Variants in DOCK3 observed in about 807,000 individuals in gnomAD.
The protein encoded by DOCK3 is dedicator of cytokinesis 3.
A neutral mutation model predicts 265.6 loss-of-function variants in DOCK3; 60 were observed. The ratio of observed to expected loss-of-function variants is 0.23; its 90% CI spans 0.18 to 0.28. The LOEUF is 0.28. Among genes scored for constraint, DOCK3 ranks in the 10% least tolerant of loss-of-function variants. The pLI is 1.00. For missense variants in DOCK3, 1,981 were observed against 2,594.3 expected (o/e 0.76, Z 5.14); for synonymous variants, 881 against 938.0 (o/e 0.94, Z 1.11).
chr3:50,716,485 G>A lies in DOCK3; in HGVS notation c.37+41185G>A, dbSNP rs545904786. Reference sequence around the variant, plus strand: ...GGAGCTTGCAGTGAGCGGAGATCACGCCACTGCACTCCAGCCTGGGCGACA... The same window carrying A: ...GGAGCTTGCAGTGAGCGGAGATCACACCACTGCACTCCAGCCTGGGCGACA... On this transcript the variant is annotated intron_variant, in intron 1 of 52. Coordinates refer to ENST00000266037, the MANE Select transcript of DOCK3 (RefSeq NM_004947.5). Among the ~76,000 whole-genome samples the A allele has an allele frequency of 6.6e-5, 10 of 151,814 alleles. No individual in the cohort carries two copies. In the East Asian group the frequency reaches 9.7e-4, roughly 15 times the overall value.
In DOCK3 at chr3:51,150,252, G is replaced by A. The variant is rs958270692; in HGVS notation, c.828+3622G>A. On this transcript the variant is annotated intron_variant, in intron 10 of 52. Coordinates refer to ENST00000266037, the MANE Select transcript of DOCK3 (RefSeq NM_004947.5). ...TCTTTTCTTTATTAGTCTTGCTAGC[G>A]GTTTATCAATTTTGTTGATCTTTTC... Among the ~76,000 whole-genome samples, 7 of 151,794 alleles carry A rather than the reference G, an allele frequency of 4.6e-5. No individual in the cohort carries two copies. The East Asian group carries it at 7.8e-4, about 17-fold the overall frequency.
In DOCK3 at chr3:51,312,600, T is replaced by C. The variant is rs752369011; in HGVS notation, c.3194+24T>C. ...AAGTAAGATAAACGTCTTATATTCA[T>C]CTCCTTACCACTTGGCCAAATAGGG... On this transcript the variant is annotated intron_variant, in intron 30 of 52. Coordinates refer to ENST00000266037, the MANE Select transcript of DOCK3 (RefSeq NM_004947.5). 6 of 1,554,340 alleles carry C rather than the reference T, an allele frequency of 3.9e-6. No homozygotes were observed. In the Admixed American group the frequency reaches 1.3e-4, roughly 32 times the overall value.
intron 49 of DOCK3, among the ~76,000 whole-genome samples, chr3:51,368,820 A>T (rs1398413071): frequency 1.3e-5 from 2 of 152,182 alleles, no homozygotes; most frequent in Non-Finnish European, 2.9e-5. Context: ...GGGGCGACTG[A>T]CACCTCATAT....
At chr3:50,964,675 A>G (rs1167759102) in intron 5 of DOCK3, among the ~76,000 whole-genome samples, 2 of 152,168 alleles carry the variant, frequency 1.3e-5, no homozygotes, top group East Asian at 3.8e-4. Context: ...TTGAGTCTCC[A>G]AAAAGGGACA....
chr3:51,280,353 C>A, intron 27 of DOCK3, 149 bp downstream of exon 27: 1 of 747,150 alleles, frequency 1.3e-6, no homozygotes, highest in Non-Finnish European at 2.1e-6. Flanking sequence ...TGAGTGTTGG[C>A]CTCCAGAAGC....
At chr3:51,172,884 A>T (rs1266296173) in intron 12 of DOCK3, among the ~76,000 whole-genome samples, 7 of 152,190 alleles carry the variant, frequency 4.6e-5, no homozygotes, top group African/African-American at 1.7e-4. Flanking sequence ...TGACAATTTA[A>T]GTTGATACAA....
intron 5 of DOCK3, among the ~76,000 whole-genome samples, chr3:50,997,920 A>T (rs2078340132): frequency 1.3e-5 from 2 of 152,174 alleles, no homozygotes; most frequent in African/African-American, 4.8e-5. Context: ...TCTGTAGAAG[A>T]CTTTGCTGCT....
chr3:50,715,932 C>T (rs1458386), intron 1 of DOCK3, among the ~76,000 whole-genome samples: 137,843 of 152,198 alleles, frequency 0.91, 62,576 homozygotes, highest in African/African-American at 0.95. Flanking sequence ...GTCTTCTTTC[C>T]GTCAGCTGTG....
At chr3:51,160,842 C>A in intron 12 of DOCK3, 140 bp downstream of exon 12, 3 of 1,013,962 alleles carry the variant, frequency 3.0e-6, no homozygotes, top group Non-Finnish European at 4.1e-6. Context: ...TTTGGGAGGC[C>A]AAGGTGGGCA....
At chr3:51,068,651 C>T (rs902983033) in intron 6 of DOCK3, among the ~76,000 whole-genome samples, 3 of 151,024 alleles carry the variant, frequency 2.0e-5, no homozygotes, top group African/African-American at 7.3e-5. Context: ...CTTTTCCCAG[C>T]GTTGTATGGT....
intron 4 of DOCK3, among the ~76,000 whole-genome samples, chr3:50,892,047 C>T (rs1283266593): frequency 6.6e-6 from 1 of 151,930 alleles, no homozygotes; most frequent in Non-Finnish European, 1.5e-5. Context: ...ATCCAAATGT[C>T]CAATAAGTTG....
At chr3:51,113,836 AATTG>A (rs1164853317) in intron 9 of DOCK3, among the ~76,000 whole-genome samples, 1 of 152,192 alleles carries the variant, frequency 6.6e-6, no homozygotes, top group Non-Finnish European at 1.5e-5. Context: ...GTTTGTTAGA[AATTG>A]ATTGTCACGG....
At chr3:50,919,346 A>G (rs976366904) in intron 4 of DOCK3, among the ~76,000 whole-genome samples, 6 of 152,208 alleles carry the variant, frequency 3.9e-5, no homozygotes, top group East Asian at 1.9e-4. Flanking sequence ...AACCTTGGGC[A>G]CTATGGCCAT....
At chr3:50,735,087 C>T (rs76377053) in intron 1 of DOCK3, among the ~76,000 whole-genome samples, 1 of 152,084 alleles carries the variant, frequency 6.6e-6, no homozygotes, top group African/African-American at 2.4e-5. Context: ...AAGTATAATA[C>T]TCTTTGCTGT....
intron 2 of DOCK3, among the ~76,000 whole-genome samples, chr3:50,816,029 T>TG (rs1192264974): frequency 6.6e-6 from 1 of 151,938 alleles, no homozygotes; most frequent in Non-Finnish European, 1.5e-5. Flanking sequence ...CAGGAAAAAC[T>TG]GGTTTTTTTT....
chr3:51,089,137 A>G, intron 7 of DOCK3, 106 bp from the exon 8 acceptor site: 1 of 1,121,380 alleles, frequency 8.9e-7, no homozygotes, highest in Non-Finnish European at 1.3e-6. Context: ...ATTAAATGAG[A>G]TCATGAATAT....
At chr3:50,923,235 G>A (rs2050592696) in intron 4 of DOCK3, among the ~76,000 whole-genome samples, 1 of 152,202 alleles carries the variant, frequency 6.6e-6, no homozygotes, top group African/African-American at 2.4e-5. Context: ...ACATGTGTGT[G>A]CAAGCATCTT....
chr3:51,129,005 C>T (rs548891823), intron 9 of DOCK3, among the ~76,000 whole-genome samples: 1 of 152,336 alleles, frequency 6.6e-6, no homozygotes, highest in Non-Finnish European at 1.5e-5. Context: ...ATACAAATAT[C>T]TTCACAGTTT....
At chr3:50,962,623 T>C (rs1264850147) in intron 5 of DOCK3, among the ~76,000 whole-genome samples, 1 of 152,222 alleles carries the variant, frequency 6.6e-6, no homozygotes, top group Non-Finnish European at 1.5e-5. Context: ...AATATTTTTA[T>C]AAAAATTCAG....
Sources: gnomAD v4.1 joint callset for allele counts (sites outside exome capture counted in the v4.1 genomes callset) on GRCh38, gnomAD v4.1.1 for gene constraint, MANE v1.5 for transcripts, NCBI Gene and HGNC (gene_info 2026-07-23, HGNC 2026-07-21) for gene names.